The following RABGEF1 variants were observed in gnomAD, a reference collection of about 807,000 sequenced individuals.
RABGEF1 encodes the protein RAB guanine nucleotide exchange factor 1.
Under a neutral mutation model 57.3 loss-of-function variants are expected in RABGEF1, and 26 were observed. That is an observed-to-expected ratio of 0.45 (90% CI 0.33 to 0.63). The LOEUF (loss-of-function observed/expected upper bound fraction) is 0.63, where lower values mean the gene tolerates loss of function less well. Ranked by LOEUF, RABGEF1 falls within the 20% of genes least tolerant of loss-of-function variation. RABGEF1 has a pLI of 0.02. For missense variants in RABGEF1, 464 were observed against 607.6 expected (o/e 0.76, Z 2.48); for synonymous variants, 185 against 210.7 (o/e 0.88, Z 1.06).
chr7:66,693,413 CCAGGG>C (rs1391541336), intron 1 of RABGEF1, among the ~76,000 whole-genome samples: 1 of 152,206 alleles, frequency 6.6e-6, no homozygotes, highest in Non-Finnish European at 1.5e-5. Flanking sequence ...GCCTGGGCTT[CCAGGG>C]CAGGCCTGGC....
At chr7:66,683,570 C>T (rs1216303279) in intron 1 of RABGEF1, among the ~76,000 whole-genome samples, 2 of 151,942 alleles carry the variant, frequency 1.3e-5, no homozygotes, top group African/African-American at 4.8e-5. Flanking sequence ...AGGAAGGAGC[C>T]GGGCATTTAG....
intron 1 of RABGEF1, among the ~76,000 whole-genome samples, chr7:66,698,898 G>T (rs1363910857): frequency 6.6e-6 from 1 of 152,176 alleles, no homozygotes; most frequent in Non-Finnish European, 1.5e-5. Flanking sequence ...CTACAGCAGG[G>T]GGTTCCATGG....
chr7:66,752,349 G>A lies in RABGEF1; in HGVS notation c.-18+11557G>A, dbSNP rs189892007. On this transcript the variant is annotated intron_variant, in intron 1 of 8. Transcript: ENST00000284957. The stretch of plus-strand genomic sequence containing the variant: ...GTCTCTACTAAAAATACAAAAATTA[G>A]CCAGGTATGGTGGCGGGCACCTGTA... 2.6e-4 allele frequency among the ~76,000 whole-genome samples: 40 copies of A among 152,126 alleles called. No individual in the cohort carries two copies. The East Asian group carries it at 7.2e-3, about 27-fold the overall frequency.
intron 1 of RABGEF1, among the ~76,000 whole-genome samples, chr7:66,706,904 C>A (rs986563768): frequency 6.6e-5 from 10 of 150,474 alleles, no homozygotes; most frequent in African/African-American, 2.4e-4. Context: ...GCCTCAGCCT[C>A]CCGAGTAGCT....
At chr7:66,678,178 A>C (rs1490765712), upstream of RABGEF1, among the ~76,000 whole-genome samples, 2 of 152,132 alleles carry the variant, frequency 1.3e-5, no homozygotes, top group Non-Finnish European at 2.9e-5. Context: ...CCATCTACCC[A>C]TGAGATGCCT....
chr7:66,658,282 C>T, the RABGEF1 span, among the ~76,000 whole-genome samples: 4 of 152,076 alleles, frequency 2.6e-5, no homozygotes, highest in Non-Finnish European at 5.9e-5. Flanking sequence ...CCTGTAATCC[C>T]AGCACTTTGG....
the RABGEF1 span, among the ~76,000 whole-genome samples, chr7:66,658,852 C>G: frequency 6.6e-6 from 1 of 152,076 alleles, no homozygotes. Context: ...TCTCCTGCCT[C>G]AGCCTCCCGA....
intron 1 of RABGEF1, chr7:66,712,155 T>A (rs2117397011): frequency 6.6e-6 from 1 of 152,378 alleles, no homozygotes; most frequent in East Asian, 1.9e-4. Context: ...CTGTGTTTTG[T>A]TAAATCTACA....
At chr7:66,718,425 T>C (rs1795641171) in intron 2 of RABGEF1, among the ~76,000 whole-genome samples, 1 of 152,212 alleles carries the variant, frequency 6.6e-6, no homozygotes, top group African/African-American at 2.4e-5. Context: ...CATCTTGGGG[T>C]TGGCATCTGT....
Position 66,808,881 on chromosome 7 carries a change from T to A in RABGEF1, c.1078-5T>A. 6.4e-7 allele frequency: 1 copy of A among 1,566,778 alleles called. No homozygotes were observed. Among genetic ancestry groups the A allele is most frequent in the Non-Finnish European group, 8.7e-7 (1 of 1,145,788 alleles). On this transcript the variant is annotated splice_region_variant and splice_polypyrimidine_tract_variant and intron_variant, in intron 8 of 8. Coordinates refer to ENST00000284957, the MANE Select transcript of RABGEF1 (RefSeq NM_014504.3). ...TATGACTGTATTAACGTCCTCTTCT[T>A]GTAGTGCTGTGCTGTGGCTTTCATT...
chr7:66,699,697 A>C (rs556367356), intron 1 of RABGEF1, among the ~76,000 whole-genome samples: 1 of 151,512 alleles, frequency 6.6e-6, no homozygotes, highest in Non-Finnish European at 1.5e-5. Context: ...ATCTCAAAAA[A>C]AAAAAACAAA....
In RABGEF1 at chr7:66,801,916, TTAG is replaced by T. The variant is rs1380670011; in HGVS notation, c.820+2504_820+2506del. On this transcript the variant is annotated intron_variant, in intron 7 of 8. Transcript: ENST00000284957. ...CTTATTTATTTAGTTAGTTAGTTAG[TTAG>T]TTATTTTTGAGACAGGATCTCTCTG... 6.2e-4 allele frequency among the ~76,000 whole-genome samples: 94 copies of T among 152,198 alleles called. 1 individual carries two copies. The highest frequency in any genetic ancestry group is 2.1e-3 in the African/African-American group (86 of 41,502).
At chr7:66,716,519 T>C (rs1055988504) in intron 2 of RABGEF1, among the ~76,000 whole-genome samples, 1 of 152,164 alleles carries the variant, frequency 6.6e-6, no homozygotes, top group Admixed American at 6.5e-5. Context: ...GAGGATCGCT[T>C]GAACCTGGGA....
intron 1 of RABGEF1, among the ~76,000 whole-genome samples, chr7:66,762,060 A>G (rs1804523185): frequency 6.6e-6 from 1 of 151,810 alleles, no homozygotes; most frequent in Admixed American, 6.6e-5. Flanking sequence ...TCTCAAAAAA[A>G]AACAAAAAAA....
chr7:66,707,016 G>A (rs1252283164), intron 1 of RABGEF1, among the ~76,000 whole-genome samples: 18 of 145,624 alleles, frequency 1.2e-4, no homozygotes, highest in Non-Finnish European at 6.1e-5. Context: ...CGATCTCCTG[G>A]CCTCGTGATC....
At chr7:66,777,794 A>T (rs1422247924) in intron 3 of RABGEF1, among the ~76,000 whole-genome samples, 4 of 152,280 alleles carry the variant, frequency 2.6e-5, no homozygotes, top group East Asian at 1.9e-4. Flanking sequence ...CACCAACATT[A>T]AAAAAATTAA....
chr7:66,755,311 CAAAAA>C (rs1802445388), intron 1 of RABGEF1, among the ~76,000 whole-genome samples: 3 of 150,356 alleles, frequency 2.0e-5, no homozygotes, highest in Non-Finnish European at 4.5e-5. Context: ...AAACAAAAAA[CAAAAA>C]ACAAAAAATT....
At chr7:66,781,960 G>C (rs1584056440) in intron 3 of RABGEF1, among the ~76,000 whole-genome samples, 1 of 152,180 alleles carries the variant, frequency 6.6e-6, no homozygotes, top group Non-Finnish European at 1.5e-5. Context: ...CTGTCATCCA[G>C]TGTCTGAAAA....
chr7:66,784,099 G>C (rs1484194674), intron 4 of RABGEF1, among the ~76,000 whole-genome samples: 1 of 152,190 alleles, frequency 6.6e-6, no homozygotes, highest in Non-Finnish European at 1.5e-5. Flanking sequence ...ATGTGCTTTA[G>C]TAACAGGCCT....
Sources: gnomAD v4.1 joint callset for allele counts (sites outside exome capture counted in the v4.1 genomes callset) on GRCh38, gnomAD v4.1.1 for gene constraint, MANE v1.5 for transcripts, NCBI Gene and HGNC (gene_info 2026-07-23, HGNC 2026-07-21) for gene names.